ERBB4: variants seen among roughly 807,000 people sequenced by gnomAD.
The protein encoded by ERBB4 is erb-b2 receptor tyrosine kinase 4, also known as receptor tyrosine-protein kinase erbB-4.
ERBB4 carries 42 observed loss-of-function variants against 158.0 expected under a neutral mutation model. That is an observed-to-expected ratio of 0.27 (90% CI 0.21 to 0.34). ERBB4 has a LOEUF of 0.34. ERBB4 is among the 10% of genes least tolerant of loss of function. The pLI is 1.00. For synonymous variants in ERBB4, 583 were observed against 558.7 expected, an observed-to-expected ratio of 1.04 and a Z score of -0.61; for missense variants, 1,333 against 1,624.1, an observed-to-expected ratio of 0.82 and a Z score of 3.08.
intron 1 of ERBB4, among the ~76,000 whole-genome samples, chr2:212,264,643 A>G (rs1441841671): frequency 2.0e-5 from 3 of 152,142 alleles, no homozygotes; most frequent in African/African-American, 7.2e-5. Context: ...ATTTCAATTA[A>G]AATGATTTTA....
chr2:212,382,345 G>T (rs1360200846), intron 1 of ERBB4, among the ~76,000 whole-genome samples: 4 of 150,274 alleles, frequency 2.7e-5, no homozygotes, highest in East Asian at 1.9e-4. Flanking sequence ...ACACATATGT[G>T]CATATACACT....
chr2:211,920,898 G>T (rs1303159775), intron 3 of ERBB4, among the ~76,000 whole-genome samples: 2 of 151,706 alleles, frequency 1.3e-5, no homozygotes, highest in African/African-American at 4.8e-5. Flanking sequence ...ACAGAGTATA[G>T]AGCTACTGAA....
At chr2:212,063,452 G>A (rs1047015637) in intron 2 of ERBB4, among the ~76,000 whole-genome samples, 1 of 152,020 alleles carries the variant, frequency 6.6e-6, no homozygotes, top group Non-Finnish European at 1.5e-5. Context: ...TTAAAGAAAA[G>A]TCATGATTCC....
At chr2:212,113,813 T>C (rs114297169) in intron 2 of ERBB4, among the ~76,000 whole-genome samples, 1 of 152,092 alleles carries the variant, frequency 6.6e-6, no homozygotes, top group Non-Finnish European at 1.5e-5. Context: ...TTATGGGTAG[T>C]ATATCATTTA....
intron 20 of ERBB4, among the ~76,000 whole-genome samples, chr2:211,548,339 A>T (rs1330812899): frequency 1.4e-5 from 2 of 147,792 alleles, no homozygotes; most frequent in East Asian, 3.9e-4. Context: ...GAAAGGGAAG[A>T]TTAAAAAAAA....
intron 1 of ERBB4, among the ~76,000 whole-genome samples, chr2:212,513,241 C>A (rs1691626199): frequency 6.6e-6 from 1 of 152,008 alleles, no homozygotes; most frequent in African/African-American, 2.4e-5. Flanking sequence ...TAAGTATGTG[C>A]TGAATGAAAT....
chr2:211,577,452 C>T (rs1215242646), intron 19 of ERBB4, among the ~76,000 whole-genome samples: 1 of 152,082 alleles, frequency 6.6e-6, no homozygotes, highest in Non-Finnish European at 1.5e-5. Flanking sequence ...TCTTCCCTAA[C>T]TCATTTTATG....
intron 1 of ERBB4, among the ~76,000 whole-genome samples, chr2:212,270,607 C>T (rs1163426897): frequency 6.6e-6 from 1 of 151,788 alleles, no homozygotes; most frequent in Non-Finnish European, 1.5e-5. Context: ...TATGCCACTT[C>T]TGGTCTAATC....
intron 3 of ERBB4, among the ~76,000 whole-genome samples, chr2:211,913,669 G>T (rs1004954507): frequency 3.3e-5 from 5 of 150,344 alleles, no homozygotes; most frequent in Non-Finnish European, 7.4e-5. Flanking sequence ...ATGTGTGTAT[G>T]TGTGTGTGTA....
At chr2:212,174,627 T>A (rs895975515) in intron 1 of ERBB4, among the ~76,000 whole-genome samples, 33 of 152,190 alleles carry the variant, frequency 2.2e-4, no homozygotes, top group Admixed American at 7.2e-4. Flanking sequence ...TGGACATATT[T>A]CTGCTTGAAG....
intron 2 of ERBB4, among the ~76,000 whole-genome samples, chr2:211,952,440 T>A (rs140724850): frequency 1.1e-3 from 173 of 152,218 alleles, no homozygotes; most frequent in Non-Finnish European, 2.2e-3. Context: ...TAATGTCTGA[T>A]AAGGCCACAC....
In ERBB4 at chr2:211,773,633, T is replaced by TATATA. The variant is rs1553630512; in HGVS notation, c.556+14387_556+14391dup. On this transcript the variant is annotated intron_variant, in intron 4 of 27. Transcript: ENST00000342788. ...ATATATATATATATATATATATATA[T>TATATA]ATATATATATATATAATATATATAC... Among the ~76,000 whole-genome samples, 355 of 102,810 alleles carry TATATA rather than the reference T, an allele frequency of 3.5e-3. 14 individuals carry two copies. The highest frequency in any genetic ancestry group is 0.014 in the African/African-American group (304 of 21,956). 67.4% of individuals were successfully genotyped at this position (102,810 alleles called of 152,430 possible). A position where few individuals can be genotyped will look rare whatever the true frequency, so the allele number is the denominator to read the frequency against.
At chr2:211,503,885 G>C (rs1023207507) in intron 20 of ERBB4, among the ~76,000 whole-genome samples, 4 of 152,112 alleles carry the variant, frequency 2.6e-5, no homozygotes, top group South Asian at 2.1e-4. Context: ...ATGCCTTAGA[G>C]AGCCTGGTTG....
chr2:211,858,882 A>G (rs1354056164), intron 3 of ERBB4, among the ~76,000 whole-genome samples: 1 of 152,104 alleles, frequency 6.6e-6, no homozygotes, highest in Admixed American at 6.5e-5. Context: ...TCCCCGTTCA[A>G]GCGATTCTCC....
intron 1 of ERBB4, among the ~76,000 whole-genome samples, chr2:212,244,596 C>A (rs1417433750): frequency 1.3e-5 from 2 of 152,046 alleles, no homozygotes; most frequent in African/African-American, 2.4e-5. Flanking sequence ...TTCTCTAAAC[C>A]TTCTATTTCA....
intron 1 of ERBB4, among the ~76,000 whole-genome samples, chr2:212,213,727 T>G (rs1264421961): frequency 6.6e-6 from 1 of 151,852 alleles, no homozygotes; most frequent in Non-Finnish European, 1.5e-5. Flanking sequence ...AAAAGCAGGG[T>G]GAAGGGCATA....
At chr2:211,634,095 G>A (rs868235347) in intron 16 of ERBB4, among the ~76,000 whole-genome samples, 7 of 152,176 alleles carry the variant, frequency 4.6e-5, no homozygotes, top group Non-Finnish European at 8.8e-5. Flanking sequence ...GGAAGTGAAG[G>A]TTGCAATGAG....
intron 19 of ERBB4, among the ~76,000 whole-genome samples, chr2:211,601,394 G>A (rs968570787): frequency 1.1e-4 from 17 of 151,932 alleles, no homozygotes; most frequent in Admixed American, 6.6e-4. Context: ...CATGGGATTG[G>A]GGGTGGGGAC....
intron 3 of ERBB4, among the ~76,000 whole-genome samples, chr2:211,809,368 C>T (rs570970289): frequency 6.6e-6 from 1 of 152,240 alleles, no homozygotes; most frequent in South Asian, 2.1e-4. Context: ...AATTTCAGAG[C>T]CTGTTATTGG....
Sources: allele counts gnomAD v4.1 joint callset (sites outside exome capture counted in the v4.1 genomes callset), GRCh38; gene constraint gnomAD v4.1.1; transcripts MANE v1.5; gene names NCBI Gene and HGNC (gene_info 2026-07-23, HGNC 2026-07-21).